The following NAALADL2 variants were observed in gnomAD, a reference collection of about 807,000 sequenced individuals.
NAALADL2 encodes N-acetylated alpha-linked acidic dipeptidase like 2, also known as inactive N-acetylated-alpha-linked acidic dipeptidase-like protein 2.
A neutral mutation model predicts 87.2 loss-of-function variants in NAALADL2; 76 were observed. The observed-to-expected ratio is 0.87, with a 90% CI of 0.72 to 1.05. The LOEUF (loss-of-function observed/expected upper bound fraction) is 1.05, where lower values mean the gene tolerates loss of function less well. Among genes scored for constraint, NAALADL2 ranks in the 50% least tolerant of loss-of-function variants. The pLI is 0.00. For synonymous variants in NAALADL2, 354 were observed against 331.0 expected (o/e 1.07, Z -0.75); for missense variants, 1,089 against 945.8 (o/e 1.15, Z -1.99).
chr3:175,205,405 G>A (rs1314843684), intron 2 of NAALADL2, among the ~76,000 whole-genome samples: 5 of 152,166 alleles, frequency 3.3e-5, no homozygotes, highest in African/African-American at 1.2e-4. Flanking sequence ...GTAGGAGAAT[G>A]AAACTGGATT....
At chr3:174,543,877 G>A (rs150792021) in intron 1 of NAALADL2, among the ~76,000 whole-genome samples, 143 of 151,862 alleles carry the variant, frequency 9.4e-4, no homozygotes, top group African/African-American at 3.1e-3. Context: ...GCGTGGTGGC[G>A]TGCACCTGTA....
chr3:174,700,054 G>A (rs1468570351), intron 2 of NAALADL2, among the ~76,000 whole-genome samples: 1 of 151,206 alleles, frequency 6.6e-6, no homozygotes. Flanking sequence ...TTACTTACTT[G>A]TTGGTTTATT....
chr3:175,140,400 A>G (rs1729821960), intron 2 of NAALADL2, among the ~76,000 whole-genome samples: 1 of 152,120 alleles, frequency 6.6e-6, no homozygotes, highest in Non-Finnish European at 1.5e-5. Flanking sequence ...AATGAGAATT[A>G]TGCAACACAC....
In NAALADL2 at chr3:175,268,561, TTTTAC is replaced by T. The variant is rs571964428; in HGVS notation, c.939+12036_939+12040del. On this transcript the variant is annotated intron_variant, in intron 4 of 13. Transcript: ENST00000454872. ...AATTAATCTTATGTTACTATAGCTT[TTTTAC>T]TTTATGAACTTTTTACTTTTTTAAA... Among the ~76,000 whole-genome samples, 518 of 152,244 alleles carry T rather than the reference TTTTAC, an allele frequency of 3.4e-3. 1 individual carries two copies. The highest frequency in any genetic ancestry group is 6.8e-3 in the Middle Eastern group (2 of 294).
intron 5 of NAALADL2, among the ~76,000 whole-genome samples, chr3:175,434,659 A>T (rs1718325001): frequency 6.6e-6 from 1 of 152,064 alleles, no homozygotes; most frequent in South Asian, 2.1e-4. Context: ...AACAAAACAC[A>T]TTCATAGTTT....
intron 4 of NAALADL2, among the ~76,000 whole-genome samples, chr3:175,298,025 T>C: frequency 6.6e-6 from 1 of 152,258 alleles, no homozygotes; most frequent in Non-Finnish European, 1.5e-5. Flanking sequence ...GCTTGGCATA[T>C]AGGGATCCCA....
rs187404003 is a variant in NAALADL2, at chr3:174,838,342, C to T, written c.-9+100596C>T. Among the ~76,000 whole-genome samples, 10 of 152,192 alleles carry T rather than the reference C, an allele frequency of 6.6e-5. No homozygotes were observed. In the East Asian group the frequency reaches 1.7e-3, roughly 26 times the overall value. On this transcript the variant is annotated intron_variant, in intron 3 of 3. Transcript: ENST00000434257. ...CAAAATTGGCATACAAGGGGCATAC[C>T]TCAAGGTAATAGAAGCCACCTATGA... is the stretch of plus-strand genomic sequence containing the variant.
intron 11 of NAALADL2, among the ~76,000 whole-genome samples, chr3:175,706,154 A>C (rs535740383): frequency 6.6e-6 from 1 of 152,252 alleles, no homozygotes; most frequent in East Asian, 1.9e-4. Context: ...TGGGGGATAT[A>C]GAGTTTCTTG....
intron 5 of NAALADL2, among the ~76,000 whole-genome samples, chr3:175,438,557 G>C (rs942871277): frequency 2.0e-5 from 3 of 151,992 alleles, no homozygotes; most frequent in South Asian, 4.1e-4. Flanking sequence ...CAGAAAATGT[G>C]TTTTAAAATC....
chr3:174,993,084 T>C (rs955613908), intron 1 of NAALADL2, among the ~76,000 whole-genome samples: 1 of 151,968 alleles, frequency 6.6e-6, no homozygotes, highest in African/African-American at 2.4e-5. Flanking sequence ...TCCCTACCTA[T>C]AGAAAAATCA....
intron 1 of NAALADL2, among the ~76,000 whole-genome samples, chr3:174,879,159 G>T (rs1050181927): frequency 1.1e-4 from 16 of 151,988 alleles, no homozygotes; most frequent in African/African-American, 3.9e-4. Flanking sequence ...AATATCTGTC[G>T]TTATATATTT....
chr3:174,750,256 T>G (rs551101401), intron 3 of NAALADL2, among the ~76,000 whole-genome samples: 11 of 152,280 alleles, frequency 7.2e-5, no homozygotes, highest in African/African-American at 2.6e-4. Flanking sequence ...CTAAATTTTA[T>G]CTGGGCAAAT....
chr3:174,986,711 A>C lies in NAALADL2; in HGVS notation c.44-110079A>C, dbSNP rs533396606. Among the ~76,000 whole-genome samples the C allele has an allele frequency of 2.0e-5, 3 of 152,298 alleles. No individual in the cohort carries two copies. In the East Asian group the frequency reaches 5.8e-4, roughly 29 times the overall value. On this transcript the variant is annotated intron_variant, in intron 1 of 13. Coordinates refer to ENST00000454872, the MANE Select transcript of NAALADL2 (RefSeq NM_207015.3). ...AATTCCTGAAACTGTGCTTCTCTTA[A>C]GTGTTTCAAGATGGTTTAGAATGAT... is the stretch of plus-strand genomic sequence containing the variant.
At chr3:174,506,751 A>G (rs1719230217) in intron 1 of NAALADL2, among the ~76,000 whole-genome samples, 1 of 152,206 alleles carries the variant, frequency 6.6e-6, no homozygotes, top group Admixed American at 6.5e-5. Flanking sequence ...ACAAGTAACT[A>G]GGTGTGTGAA....
intron 3 of NAALADL2, among the ~76,000 whole-genome samples, chr3:175,250,333 C>T (rs968689731): frequency 6.6e-6 from 1 of 151,250 alleles, no homozygotes; most frequent in Non-Finnish European, 1.5e-5. Context: ...TGATTGTCCA[C>T]AAGCCAGTAG....
intron 1 of NAALADL2, among the ~76,000 whole-genome samples, chr3:174,892,480 T>C (rs73045496): frequency 0.024 from 3,694 of 152,202 alleles, 134 homozygotes; most frequent in African/African-American, 0.078. Context: ...AGTACATCTG[T>C]ACGATCTAGA....
At chr3:174,748,183 A>G (rs989991367) in intron 3 of NAALADL2, among the ~76,000 whole-genome samples, 2 of 152,094 alleles carry the variant, frequency 1.3e-5, no homozygotes, top group Non-Finnish European at 2.9e-5. Context: ...GAGGGAGAGC[A>G]TTAGGATAAA....
chr3:174,668,271 T>C (rs1726164380), intron 2 of NAALADL2, among the ~76,000 whole-genome samples: 1 of 152,164 alleles, frequency 6.6e-6, no homozygotes, highest in Admixed American at 6.6e-5. Flanking sequence ...TCTTATTATA[T>C]ATATATGATT....
chr3:175,686,779 G>A (rs1168591759), intron 11 of NAALADL2, among the ~76,000 whole-genome samples: 1 of 152,054 alleles, frequency 6.6e-6, no homozygotes, highest in East Asian at 1.9e-4. Context: ...GTGACTATTT[G>A]CAAAATATAT....
Sources: allele counts gnomAD v4.1 joint callset (sites outside exome capture counted in the v4.1 genomes callset), GRCh38; gene constraint gnomAD v4.1.1; transcripts MANE v1.5; gene names NCBI Gene and HGNC (gene_info 2026-07-23, HGNC 2026-07-21).